The following CCDC171 variants were observed in gnomAD, a reference collection of about 807,000 sequenced individuals.
The protein encoded by CCDC171 is coiled-coil domain-containing protein 171.
A neutral mutation model predicts 168.2 loss-of-function variants in CCDC171; 177 were observed. The ratio of observed to expected loss-of-function variants is 1.05; its 90% CI spans 0.93 to 1.19. The LOEUF is 1.19. Among genes scored for constraint, CCDC171 ranks in the 50% most tolerant of loss-of-function variants. The probability of loss-of-function intolerance (pLI) is 0.00; values close to 1 mark genes in which losing one functional copy is unlikely to be tolerated. For synonymous variants in CCDC171, 687 were observed against 540.8 expected, an observed-to-expected ratio of 1.27 and a Z score of -3.75; for missense variants, 1,991 against 1,539.0, an observed-to-expected ratio of 1.29 and a Z score of -4.91.
intron 21 of CCDC171, among the ~76,000 whole-genome samples, chr9:15,832,062 T>C (rs2060256171): frequency 1.3e-5 from 2 of 152,170 alleles, no homozygotes; most frequent in South Asian, 4.1e-4. Context: ...GAATTTTCCT[T>C]AGGGTGTCTT....
At chr9:15,765,475 A>G (rs777514995) in intron 18 of CCDC171, among the ~76,000 whole-genome samples, 3 of 152,218 alleles carry the variant, frequency 2.0e-5, no homozygotes, top group Non-Finnish European at 2.9e-5. Context: ...GGTTGGCACA[A>G]ACAGTTCAGG....
chr9:16,006,574 C>A, intron 3 of CCDC171, among the ~76,000 whole-genome samples: 2 of 142,748 alleles, frequency 1.4e-5, no homozygotes, highest in East Asian at 2.3e-4. Flanking sequence ...AATGCTATCC[C>A]TCCCCCCTCC....
At chr9:15,969,633 C>T (rs1026336007) in intron 25 of CCDC171, among the ~76,000 whole-genome samples, 2 of 152,062 alleles carry the variant, frequency 1.3e-5, no homozygotes, top group Non-Finnish European at 2.9e-5. Context: ...ACTTTTGAAG[C>T]CTTTTCTGAC....
chr9:16,055,408 T>A (rs956465291), intron 1 of CCDC171, among the ~76,000 whole-genome samples: 19 of 152,096 alleles, frequency 1.2e-4, no homozygotes, highest in African/African-American at 4.1e-4. Context: ...GAGCCTGTGG[T>A]CCTTGACACT....
chr9:15,836,147 CA>C, intron 21 of CCDC171, among the ~76,000 whole-genome samples: 1 of 152,050 alleles, frequency 6.6e-6, no homozygotes, highest in East Asian at 1.9e-4. Context: ...ATTAAATTGC[CA>C]AATGTAGAAA....
At chr9:16,106,944 G>T in the CCDC171 span, among the ~76,000 whole-genome samples, 3 of 152,038 alleles carry the variant, frequency 2.0e-5, no homozygotes, top group Non-Finnish European at 4.4e-5. Flanking sequence ...CAAAACCGGG[G>T]GACCCAGGCT....
intron 24 of CCDC171, among the ~76,000 whole-genome samples, chr9:15,894,672 G>A (rs1471445388): frequency 6.6e-6 from 1 of 151,962 alleles, no homozygotes; most frequent in Non-Finnish European, 1.5e-5. Flanking sequence ...GCCCATTTTA[G>A]AGGCTTTGTG....
At chr9:15,759,083 G>A (rs923533047) in intron 18 of CCDC171, among the ~76,000 whole-genome samples, 4 of 152,016 alleles carry the variant, frequency 2.6e-5, no homozygotes, top group South Asian at 2.1e-4. Context: ...ATTTGAATAT[G>A]TTCTTCCAAT....
At chr9:15,934,568 A>G (rs1826896485) in intron 25 of CCDC171, among the ~76,000 whole-genome samples, 2 of 152,042 alleles carry the variant, frequency 1.3e-5, no homozygotes, top group Admixed American at 6.6e-5. Flanking sequence ...GTGGGAATGT[A>G]AAGTGGTAAA....
At chr9:15,623,742 A>C (rs1421588456) in intron 7 of CCDC171, among the ~76,000 whole-genome samples, 1 of 152,182 alleles carries the variant, frequency 6.6e-6, no homozygotes, top group Admixed American at 6.6e-5. Context: ...TGAGAAAGCA[A>C]CACAGGAAAA....
intron 6 of CCDC171, among the ~76,000 whole-genome samples, chr9:16,025,189 C>T (rs1183005473): frequency 6.6e-6 from 1 of 152,216 alleles, no homozygotes; most frequent in Non-Finnish European, 1.5e-5. Context: ...CACCTGTAAT[C>T]TCAGCACTTT....
intron 21 of CCDC171, among the ~76,000 whole-genome samples, chr9:15,838,121 A>G (rs2060526673): frequency 6.6e-6 from 1 of 152,182 alleles, no homozygotes; most frequent in Non-Finnish European, 1.5e-5. Context: ...TTAATAATTA[A>G]TGGAAATAGA....
intron 21 of CCDC171, among the ~76,000 whole-genome samples, chr9:15,810,666 T>TGGGGCCGGC (rs1194248711): frequency 1.3e-5 from 2 of 152,214 alleles, no homozygotes; most frequent in East Asian, 3.9e-4. Flanking sequence ...CCTCCCTGCC[T>TGGGGCCGGC]GGGGCCGGCA....
intron 1 of CCDC171, among the ~76,000 whole-genome samples, chr9:15,557,571 T>A (rs1453715473): frequency 2.0e-5 from 3 of 152,176 alleles, no homozygotes; most frequent in African/African-American, 7.2e-5. Flanking sequence ...TGCTTGTGAT[T>A]TTTGCACATT....
At chr9:15,976,577 G>A (rs1831626247), downstream of CCDC171, among the ~76,000 whole-genome samples, 1 of 151,640 alleles carries the variant, frequency 6.6e-6, no homozygotes, top group South Asian at 2.1e-4. Flanking sequence ...TATTTTAATA[G>A]CTTTCTTACA....
At chr9:16,087,209 G>C in the CCDC171 span, among the ~76,000 whole-genome samples, 2 of 152,188 alleles carry the variant, frequency 1.3e-5, no homozygotes, top group South Asian at 2.1e-4. Flanking sequence ...ACATTCTGTT[G>C]ATTTGGGGTG....
intron 21 of CCDC171, among the ~76,000 whole-genome samples, chr9:15,839,418 G>C (rs1484514144): frequency 6.6e-6 from 1 of 152,104 alleles, no homozygotes; most frequent in South Asian, 2.1e-4. Flanking sequence ...GAGTTTAGAG[G>C]AAGGTTTTAG....
chr9:15,879,456 T>C (rs998491822), intron 24 of CCDC171, among the ~76,000 whole-genome samples: 4 of 152,198 alleles, frequency 2.6e-5, no homozygotes, highest in Admixed American at 2.0e-4. Flanking sequence ...AATTCTTCTC[T>C]TTTAGCTATT....
the CCDC171 span, among the ~76,000 whole-genome samples, chr9:16,086,397 T>C: frequency 6.6e-6 from 1 of 151,710 alleles, no homozygotes; most frequent in Non-Finnish European, 1.5e-5. Context: ...AACCTCTACC[T>C]CTTGGGTTCA....
Sources: allele counts gnomAD v4.1 joint callset (sites outside exome capture counted in the v4.1 genomes callset), GRCh38; gene constraint gnomAD v4.1.1; transcripts MANE v1.5; gene names NCBI Gene and HGNC (gene_info 2026-07-23, HGNC 2026-07-21).